The following MUSK variants were observed in gnomAD, a reference collection of about 807,000 sequenced individuals.
MUSK encodes muscle, skeletal receptor tyrosine-protein kinase.
Under a neutral mutation model 88.7 loss-of-function variants are expected in MUSK, and 55 were observed. The ratio of observed to expected loss-of-function variants is 0.62; its 90% confidence interval spans 0.50 to 0.78. The LOEUF (loss-of-function observed/expected upper bound fraction) is 0.78, where lower values mean the gene tolerates loss of function less well. Among genes scored for constraint, MUSK ranks in the 30% least tolerant of loss-of-function variants. The pLI, the probability that MUSK is intolerant of heterozygous loss-of-function variation, is 0.00. For synonymous variants in MUSK, 387 were observed against 391.9 expected (o/e 0.99, Z 0.15); for missense variants, 1,015 against 1,074.3 (o/e 0.94, Z 0.77).
At chr9:110,692,853 GA>G (rs140026732) in intron 3 of MUSK, among the ~76,000 whole-genome samples, 106,457 of 150,170 alleles carry the variant, frequency 0.71, 38,892 homozygotes, top group African/African-American at 0.89. Context: ...ATTTCCTTCA[GA>G]AAAAAAAAAA....
At chr9:110,757,374 G>A (rs1181939742) in intron 7 of MUSK, among the ~76,000 whole-genome samples, 4 of 151,172 alleles carry the variant, frequency 2.6e-5, no homozygotes, top group Admixed American at 6.6e-5. Context: ...CAGGATAATC[G>A]CTTGAACCTG....
Position 110,785,553 on chromosome 9 carries a change from C to A in MUSK, c.1613C>A (p.Thr538Lys). 1 of 1,612,080 alleles carries A rather than the reference C, an allele frequency of 6.2e-7. No individual in the cohort carries two copies. Among genetic ancestry groups the A allele is most frequent in the Non-Finnish European group, 8.5e-7 (1 of 1,178,852 alleles). ...KRESAAVTLT[T>K]LPSELLLDRL... ...GAATCAGCAGCAGTAACCCTCACCA[C>A]ACTGCCTTCTGAGCTCTTACTAGAT... The change falls in exon 13 of 15, where the codon ACA becomes AAA. Residue 538 changes from threonine (T) to lysine (K), a missense_variant. Coordinates refer to ENST00000374448, the MANE Select transcript of MUSK (RefSeq NM_005592.4).
chr9:110,722,396 G>T (rs181642920), intron 5 of MUSK, among the ~76,000 whole-genome samples: 2 of 152,128 alleles, frequency 1.3e-5, no homozygotes, highest in East Asian at 3.9e-4. Context: ...TGGGTGTGGT[G>T]GTACGTGCCT....
chr9:110,751,286 A>G (rs2077244326), intron 7 of MUSK, among the ~76,000 whole-genome samples: 1 of 152,206 alleles, frequency 6.6e-6, no homozygotes, highest in East Asian at 1.9e-4. Flanking sequence ...TAACCTTAAA[A>G]AAACGGCATC....
chr9:110,707,237 T>G (rs778121639), intron 5 of MUSK, among the ~76,000 whole-genome samples: 2 of 152,110 alleles, frequency 1.3e-5, no homozygotes, highest in Non-Finnish European at 2.9e-5. Flanking sequence ...ACCATACAAA[T>G]CAAATCTTTT....
chr9:110,729,204 T>A (rs961685952), intron 5 of MUSK, among the ~76,000 whole-genome samples: 1 of 135,532 alleles, frequency 7.4e-6, no homozygotes, highest in Non-Finnish European at 1.7e-5. Flanking sequence ...GTTATTTTAA[T>A]TGCACAGAGA....
intron 6 of MUSK, among the ~76,000 whole-genome samples, chr9:110,746,333 C>A (rs972578287): frequency 6.6e-6 from 1 of 152,142 alleles, no homozygotes; most frequent in South Asian, 2.1e-4. Flanking sequence ...ACCACCTTAA[C>A]AATGACATTT....
chr9:110,755,933 CATAT>C lies in MUSK; in HGVS notation c.914-6255_914-6252del, dbSNP rs1344701963. 3.8e-3 allele frequency among the ~76,000 whole-genome samples: 310 copies of C among 81,510 alleles called. 15 individuals carry two copies. Among genetic ancestry groups the C allele is most frequent in the African/African-American group, 7.8e-3 (161 of 20,546 alleles). 53.5% of individuals were successfully genotyped at this position (81,510 alleles called of 152,430 possible). A position where few individuals can be genotyped will look rare whatever the true frequency, so the allele number is the denominator to read the frequency against. ...CAGTGCCCAGTGCCATATATATATA[CATAT>C]ATATATATATATACACATATATATA... is the stretch of plus-strand genomic sequence containing the variant. On this transcript the variant is annotated intron_variant, in intron 7 of 14. Transcript: ENST00000374448.
At chr9:110,768,794 T>A (rs1480571456) in intron 9 of MUSK, among the ~76,000 whole-genome samples, 1 of 152,214 alleles carries the variant, frequency 6.6e-6, no homozygotes. Flanking sequence ...TATTTTAAAG[T>A]ACATTCCATC....
chr9:110,706,119 G>A, intron 5 of MUSK: 1 of 530,332 alleles, frequency 1.9e-6, no homozygotes, highest in South Asian at 1.4e-5. Flanking sequence ...CTGCCCTCCA[G>A]CTAAGATCGT....
chr9:110,678,130 G>A (rs1218617578), intron 1 of MUSK, among the ~76,000 whole-genome samples: 2 of 151,866 alleles, frequency 1.3e-5, no homozygotes, highest in Non-Finnish European at 2.9e-5. Context: ...GTTTGTTTTT[G>A]AGACAAGGTC....
chr9:110,677,997 A>G (rs1205097556), intron 1 of MUSK, among the ~76,000 whole-genome samples: 1 of 152,096 alleles, frequency 6.6e-6, no homozygotes, highest in African/African-American at 2.4e-5. Context: ...GATTTAATTT[A>G]ATTTGCTTTT....
chr9:110,779,058 C>CTGTA (rs1554754520), intron 11 of MUSK, among the ~76,000 whole-genome samples: 31 of 149,722 alleles, frequency 2.1e-4, no homozygotes, highest in African/African-American at 6.4e-4. Flanking sequence ...GTCAGTGTCT[C>CTGTA]TGTGTGTGTG....
At chr9:110,669,743 G>A (rs1354113349) in intron 1 of MUSK, among the ~76,000 whole-genome samples, 1 of 152,146 alleles carries the variant, frequency 6.6e-6, no homozygotes, top group African/African-American at 2.4e-5. Flanking sequence ...TTTGAAATCA[G>A]AAAGACTGGA....
intron 5 of MUSK, among the ~76,000 whole-genome samples, chr9:110,731,455 G>T (rs10759464): frequency 0.35 from 52,714 of 151,950 alleles, 9,689 homozygotes; most frequent in African/African-American, 0.4. Flanking sequence ...GAGGAAGACT[G>T]GGAGGAAGGG....
chr9:110,728,667 T>C (rs1163995864), intron 5 of MUSK: 1 of 1,525,518 alleles, frequency 6.6e-7, no homozygotes, highest in Non-Finnish European at 9.0e-7. Context: ...TGTGTTTGTT[T>C]TGTCTTGTTT....
At chr9:110,698,621 C>T (rs1237981192) in intron 5 of MUSK, among the ~76,000 whole-genome samples, 1 of 152,036 alleles carries the variant, frequency 6.6e-6, no homozygotes, top group Non-Finnish European at 1.5e-5. Context: ...CCCACGTTTG[C>T]CTCCAATTGA....
At chr9:110,679,617 T>A (rs971302916) in intron 1 of MUSK, among the ~76,000 whole-genome samples, 5 of 152,012 alleles carry the variant, frequency 3.3e-5, no homozygotes, top group Non-Finnish European at 5.9e-5. Context: ...CTTGGCTTAT[T>A]TATTCCTCCT....
intron 7 of MUSK, among the ~76,000 whole-genome samples, chr9:110,759,170 T>A (rs1181285044): frequency 6.6e-6 from 1 of 151,976 alleles, no homozygotes; most frequent in African/African-American, 2.4e-5. Flanking sequence ...AGCTCAGAAA[T>A]AAAACCACAC....
Sources: allele counts gnomAD v4.1 joint callset (sites outside exome capture counted in the v4.1 genomes callset), GRCh38; gene constraint gnomAD v4.1.1; transcripts MANE v1.5; gene names NCBI Gene and HGNC (gene_info 2026-07-23, HGNC 2026-07-21).